CCNG2: variants seen among roughly 807,000 people sequenced by gnomAD.
The protein encoded by CCNG2 is cyclin G2.
CCNG2 carries 20 observed loss-of-function variants against 36.5 expected under a neutral mutation model. That is an observed-to-expected ratio of 0.55 (90% CI 0.39 to 0.80). The LOEUF (loss-of-function observed/expected upper bound fraction) is 0.80. Ranked by LOEUF, CCNG2 falls within the 30% of genes least tolerant of loss-of-function variation. The pLI, the probability that CCNG2 is intolerant of heterozygous loss-of-function variation, is 0.00. For synonymous variants in CCNG2, 155 were observed against 140.1 expected (o/e 1.11, Z -0.75); for missense variants, 358 against 390.8 (o/e 0.92, Z 0.71).
chr4:77,160,531 TGGG>T (rs555537901), intron 3 of CCNG2, among the ~76,000 whole-genome samples, 187 bp from the exon 4 acceptor site: 2 of 107,374 alleles, frequency 1.9e-5, no homozygotes, highest in African/African-American at 8.7e-5. Flanking sequence ...CCTTTTTTTT[TGGG>T]GGGGGGGGGA....
chr4:77,160,579 A>G, intron 3 of CCNG2, 142 bp from the exon 4 acceptor site: 1 of 732,132 alleles, frequency 1.4e-6, no homozygotes, highest in Non-Finnish European at 2.2e-6. Flanking sequence ...AATGTGTATA[A>G]TTGTGGGTAA....
chr4:77,161,911 A>G (rs912238814), intron 6 of CCNG2, among the ~76,000 whole-genome samples, 164 bp downstream of exon 6: 2 of 152,222 alleles, frequency 1.3e-5, no homozygotes, highest in African/African-American at 4.8e-5. Context: ...GCTTTGACCC[A>G]GACAGTATTA....
At chr4:77,162,925 A>C (rs935078445) in intron 6 of CCNG2, among the ~76,000 whole-genome samples, 1 of 152,038 alleles carries the variant, frequency 6.6e-6, no homozygotes, top group Non-Finnish European at 1.5e-5. Flanking sequence ...TTTGGAAGCC[A>C]AGCATGGAAA....
chr4:77,158,422 C>T (rs964043470), intron 1 of CCNG2, 111 bp from the exon 2 acceptor site: 5 of 1,030,894 alleles, frequency 4.9e-6, no homozygotes, highest in African/African-American at 4.7e-5. Flanking sequence ...CGCTCCTTGT[C>T]GGGGTGTGCT....
chr4:77,161,081 T>A, intron 4 of CCNG2, 110 bp downstream of exon 4: 1 of 800,498 alleles, frequency 1.2e-6, no homozygotes, highest in Non-Finnish European at 1.9e-6. Context: ...ACTTTCAACT[T>A]TGACTTTATT....
chr4:77,162,901 A>G (rs1442868911), intron 6 of CCNG2, among the ~76,000 whole-genome samples: 1 of 152,028 alleles, frequency 6.6e-6, no homozygotes, highest in Non-Finnish European at 1.5e-5. Context: ...AGGCTGTCCA[A>G]CTCAAACAGT....
chr4:77,159,524 AAT>A lies in CCNG2; in HGVS notation c.276+23_276+24del. 3 of 1,607,164 alleles carry A rather than the reference AAT, an allele frequency of 1.9e-6. No homozygotes were observed. The South Asian group carries it at 3.3e-5, about 18-fold the overall frequency. ...ATGAAGGTATTTCATCATTTTTATA[AAT>A]ATGTCTTCCTTTTTCTATGCCCAGT... is the stretch of plus-strand genomic sequence containing the variant. On this transcript the variant is annotated intron_variant, in intron 3 of 7. Transcript: ENST00000316355.
chr4:77,159,318 A>G (rs764212819), intron 2 of CCNG2, 49 bp from the exon 3 acceptor site: 8 of 1,560,574 alleles, frequency 5.1e-6, no homozygotes, highest in Non-Finnish European at 7.0e-6. Flanking sequence ...TGTGTTTTTC[A>G]TCTGGTTCTA....
chr4:77,158,002 C>A (rs942456337), intron 1 of CCNG2, among the ~76,000 whole-genome samples: 2 of 151,758 alleles, frequency 1.3e-5, no homozygotes, highest in African/African-American at 4.8e-5. Context: ...CAGCAGCGGA[C>A]GGGAAAAGCT....
At chr4:77,162,077 T>G (rs1279580505) in intron 6 of CCNG2, among the ~76,000 whole-genome samples, 1 of 152,182 alleles carries the variant, frequency 6.6e-6, no homozygotes, top group Non-Finnish European at 1.5e-5. Context: ...CAAACACTAA[T>G]GGGATAGGAT....
intron 6 of CCNG2, among the ~76,000 whole-genome samples, chr4:77,162,376 ATTTTTTTTTTTTT>A (rs35692387): frequency 5.6e-5 from 4 of 71,424 alleles, no homozygotes; most frequent in East Asian, 4.0e-4. Context: ...GTACTTTGGG[ATTTTTTTTTTTTT>A]TTTTTTTTTT....
At chr4:77,157,535 G>A (rs1192036275) in intron 1 of CCNG2, 29 bp downstream of exon 1, 1 of 152,484 alleles carries the variant, frequency 6.6e-6, no homozygotes, top group African/African-American at 2.4e-5. Context: ...GGCCGCCGTG[G>A]GTTTCTTTGT....
At chr4:77,158,194 A>T in intron 1 of CCNG2, 1 of 283,972 alleles carries the variant, frequency 3.5e-6, no homozygotes, top group Non-Finnish European at 6.8e-6. Flanking sequence ...TCCCCTGGGC[A>T]GAAGGCCCTC....
intron 2 of CCNG2, 54 bp from the exon 3 acceptor site, chr4:77,159,313 T>G: frequency 6.4e-7 from 1 of 1,551,420 alleles, no homozygotes; most frequent in Middle Eastern, 2.0e-4. Context: ...CTGTATGTGT[T>G]TTTCATCTGG....
rs1731366918 is a variant in CCNG2 at position 77,159,467 on chromosome 4, C to G, written c.239C>G (p.Ala80Gly). The change falls in exon 3 of 8, where the codon GCT becomes GGT. Residue 80 changes from alanine (A) to glycine (G), a missense_variant. Coordinates refer to ENST00000316355, the MANE Select transcript of CCNG2 (RefSeq NM_004354.3). ...FGSCTETFVL[A>G]VNILDRFLAL... ...TCTTGCACTGAAACTTTTGTCCTGG[C>G]TGTCAATATTTTGGACAGGTTCTTG... is the stretch of plus-strand genomic sequence containing the variant. The G allele has an allele frequency of 6.2e-7, 1 of 1,613,722 alleles. No homozygotes were observed. The highest frequency in any genetic ancestry group is 1.3e-5 in the African/African-American group (1 of 74,910).
rs1731631445 is a variant in CCNG2, at chr4:77,166,244, G to A, written c.*320G>A. On this transcript the variant is annotated 3_prime_UTR_variant, in exon 8 of 8. Transcript: ENST00000316355. ...TTTTCAAGATTTTTAAAAATAACTA[G>A]TGTAGCTTATCTTAAACATTTTATA... is the stretch of plus-strand genomic sequence containing the variant. 1 of 174,396 alleles carries A rather than the reference G, an allele frequency of 5.7e-6. No individual in the cohort carries two copies. Among genetic ancestry groups the A allele is most frequent in the Non-Finnish European group, 1.2e-5 (1 of 82,008 alleles). The allele number at this position is 174,396 out of a possible 1,614,324, so 10.8% of individuals were successfully genotyped here.
In CCNG2 at chr4:77,160,775, A is replaced by G. The variant is rs139628790; in HGVS notation, c.331A>G (p.Arg111Gly). ...AGTCTGTTCTTTTTTGCTGGCTGCTAGAATAGTTGAAGAAGACTGCAATAT... is the reference window on the plus strand; with the variant it reads ...AGTCTGTTCTTTTTTGCTGGCTGCTGGAATAGTTGAAGAAGACTGCAATAT... ...IGVCSFLLAA[R>G]IVEEDCNIPS... The change falls in exon 4 of 8, where the codon AGA becomes GGA. Residue 111 changes from arginine to glycine, a missense_variant. Transcript: ENST00000316355. 75 of 1,614,004 alleles carry G rather than the reference A, an allele frequency of 4.6e-5. No homozygotes were observed. In the African/African-American group the frequency reaches 7.1e-4, roughly 15 times the overall value.
rs1731276131 is a variant in CCNG2, at chr4:77,157,210, C to CT, written c.-295dup. The CT allele has an allele frequency of 1.3e-5, 2 of 152,186 alleles. No homozygotes were observed. Among genetic ancestry groups the CT allele is most frequent in the Non-Finnish European group, 1.5e-5 (1 of 68,042 alleles). The allele number at this position is 152,186 out of a possible 1,614,324, so 9.4% of individuals were successfully genotyped here. A position where few individuals can be genotyped will look rare whatever the true frequency, so the allele number is the denominator to read the frequency against. On this transcript the variant is annotated 5_prime_UTR_variant, in exon 1 of 8. Coordinates refer to ENST00000316355, the MANE Select transcript of CCNG2 (RefSeq NM_004354.3). ...CCGCCCCCTTGGGGGCGTCGAAACTCTTAACAAAAACAAGGGGCTCGGGGA... is the reference window on the plus strand; with the variant it reads ...CCGCCCCCTTGGGGGCGTCGAAACTCTTTAACAAAAACAAGGGGCTCGGGGA...
intron 2 of CCNG2, 141 bp from the exon 3 acceptor site, chr4:77,159,222 CTCTT>C: frequency 1.5e-6 from 1 of 660,520 alleles, no homozygotes; most frequent in South Asian, 2.1e-5. Flanking sequence ...AGCGATACCA[CTCTT>C]TCCACCTATA....
Sources: gnomAD v4.1 joint callset for allele counts (sites outside exome capture counted in the v4.1 genomes callset) on GRCh38, gnomAD v4.1.1 for gene constraint, MANE v1.5 for transcripts, NCBI Gene and HGNC (gene_info 2026-07-23, HGNC 2026-07-21) for gene names.